The following CAVIN3 variants were observed in gnomAD, a reference collection of about 807,000 sequenced individuals.
CAVIN3 encodes caveolae-associated protein 3.
In CAVIN3, 11 loss-of-function variants were observed where a neutral mutation model predicts 8.2. The observed-to-expected ratio is 1.35, with a 90% CI of 0.85 to 2.23. The LOEUF (loss-of-function observed/expected upper bound fraction) is 2.23. Ranked by LOEUF, CAVIN3 falls within the 30% of genes most tolerant of loss-of-function variation. The pLI, the probability that CAVIN3 is intolerant of heterozygous loss-of-function variation, is 0.00. For missense variants in CAVIN3, 401 were observed against 359.5 expected (o/e 1.12, Z -0.93); for synonymous variants, 191 against 166.3 (o/e 1.15, Z -1.14).
chr11:6,319,750 G>A, intron 1 of CAVIN3, 186 bp from the exon 2 acceptor site: 1 of 762,646 alleles, frequency 1.3e-6, no homozygotes, highest in Non-Finnish European at 2.2e-6. Flanking sequence ...AAGTAGGTGA[G>A]GCCTGGTGAG....
At chr11:6,319,978 C>T (rs1401462156) in intron 1 of CAVIN3, 115 bp downstream of exon 1, 1 of 1,156,488 alleles carries the variant, frequency 8.6e-7, no homozygotes, top group Non-Finnish European at 1.2e-6. Flanking sequence ...CAGCAACAGA[C>T]GGCGGGAGGG....
rs117510709 is a variant in CAVIN3 at position 6,320,060 on chromosome 11, G to A, written c.384+33C>T. 2.6e-4 allele frequency: 404 copies of A among 1,547,948 alleles called. 6 individuals are homozygous for A. The East Asian group carries it at 7.4e-3, about 28-fold the overall frequency. On this transcript the variant is annotated intron_variant, in intron 1 of 1. Transcript: ENST00000303927. ...GCTGGTGGCCCACAGGCCGGCAAAG[G>A]CCTCGGATTGGGGACCGTTTGAGGT...
Position 6,319,232 on chromosome 11 carries a change from G to T in CAVIN3, c.717C>A (p.Asp239Glu), listed in dbSNP as rs1590694353. Residue 239 changes from aspartate to glutamate, a missense_variant, in exon 2 of 2, where the codon GAC (aspartate) becomes GAA (glutamate). Coordinates refer to ENST00000303927, the MANE Select transcript of CAVIN3 (RefSeq NM_145040.3). ...EPTLEPEPPQ[D>E]TEEDPGRPGA... ...CAGGTCTCCCGGGATCTTCCTCGGT[G>T]TCCTGCGGAGGCTCTGGCTCCAGCG... 1.3e-6 allele frequency: 2 copies of T among 1,583,314 alleles called. No individual in the cohort carries two copies. The highest frequency in any genetic ancestry group is 2.7e-5 in the African/African-American group (2 of 73,568).
chr11:6,319,075 G>C lies in CAVIN3; in HGVS notation c.*88C>G. ...GCCCGCCTTGGTGGATGTAGGATTC[G>C]CTCCTTATTAGGGCGTGAGTGCTAC... On this transcript the variant is annotated 3_prime_UTR_variant, in exon 2 of 2. Coordinates refer to ENST00000303927, the MANE Select transcript of CAVIN3 (RefSeq NM_145040.3). 1 of 1,367,916 alleles carries C rather than the reference G, an allele frequency of 7.3e-7. No individual in the cohort carries two copies. Among genetic ancestry groups the C allele is most frequent in the African/African-American group, 1.5e-5 (1 of 67,504 alleles). 84.7% of individuals were successfully genotyped at this position (1,367,916 alleles called of 1,614,324 possible).
At position 6,319,511 on chromosome 11, in the gene CAVIN3, G is replaced by C. The variant is rs927376304; in HGVS notation, c.438C>G (p.Gly146=). ...GGCCCAGCTCGGACTGGTCCGCCGG[G>C]CCCAAGGGCTCTGGTGCCTTCTGGA... ...SAFQKAPEPL[G]PADQSELGPE... is the part of the protein sequence containing the mutation. Residue 146 remains glycine, a synonymous_variant, in exon 2 of 2, where the codon GGC becomes GGG. Transcript: ENST00000303927. The C allele has an allele frequency of 1.3e-6, 2 of 1,598,366 alleles. No homozygotes were observed. Among genetic ancestry groups the C allele is most frequent in the African/African-American group, 1.3e-5 (1 of 74,728 alleles).
chr11:6,319,050 G>GC lies in CAVIN3; in HGVS notation c.*112dup. 1 of 1,133,334 alleles carries GC rather than the reference G, an allele frequency of 8.8e-7. No homozygotes were observed. The highest frequency in any genetic ancestry group is 1.6e-5 in the African/African-American group (1 of 62,704). 70.2% of individuals were successfully genotyped at this position (1,133,334 alleles called of 1,614,324 possible). On this transcript the variant is annotated 3_prime_UTR_variant, in exon 2 of 2. Transcript: ENST00000303927. ...GGCTTAAGGAAGGGAGGGCCAGAGC[G>GC]CCCGCCTTGGTGGATGTAGGATTCG... is the stretch of plus-strand genomic sequence containing the variant.
At position 6,320,435 on chromosome 11, in the gene CAVIN3, C is replaced by T. The variant is rs1846822889; in HGVS notation, c.42G>A (p.Ala14=). The T allele has an allele frequency of 1.9e-6, 3 of 1,548,432 alleles. No homozygotes were observed. The highest frequency in any genetic ancestry group is 1.4e-5 in the African/African-American group (1 of 72,312). ...CGGCGTGCACGGGACCCCCCGCCGG[C>T]GCCTCGGGCACAGGCCCCCGCTCCA... is the stretch of plus-strand genomic sequence containing the variant. ...SALERGPVPE[A]PAGGPVHAVT... The change falls in exon 1 of 2, where the codon GCG becomes GCA. Residue 14 remains alanine (A), a synonymous_variant. Transcript: ENST00000303927.
chr11:6,320,500 C>G lies in CAVIN3; in HGVS notation c.-24G>C, dbSNP rs371850098. 192 of 1,469,728 alleles carry G rather than the reference C, an allele frequency of 1.3e-4. No individual in the cohort carries two copies. The highest frequency in any genetic ancestry group is 1.6e-4 in the Non-Finnish European group (179 of 1,118,954). 91.0% of individuals were successfully genotyped at this position (1,469,728 alleles called of 1,614,324 possible). A position where few individuals can be genotyped will look rare whatever the true frequency, so the allele number is the denominator to read the frequency against. ...ATGATCCCTGACCGCTCTGCTCCGT[C>G]TGCCTGCAACTGCTGGCCGCACTAC... On this transcript the variant is annotated 5_prime_UTR_variant, in exon 1 of 2. Transcript: ENST00000303927.
chr11:6,319,220 A>G lies in CAVIN3; in HGVS notation c.729T>C (p.Asp243=). The part of the protein sequence containing the change: ...EPEPPQDTEE[D]PGRPGAAEEA... Reference sequence around the variant, plus strand: ...CTTCGGCAGCCCCAGGTCTCCCGGGATCTTCCTCGGTGTCCTGCGGAGGCT... The same window carrying G: ...CTTCGGCAGCCCCAGGTCTCCCGGGGTCTTCCTCGGTGTCCTGCGGAGGCT... Residue 243 remains aspartate, a synonymous_variant, in exon 2 of 2, where the codon GAT becomes GAC. Transcript: ENST00000303927. 1 of 1,567,282 alleles carries G rather than the reference A, an allele frequency of 6.4e-7. No homozygotes were observed. The highest frequency in any genetic ancestry group is 1.2e-5 in the South Asian group (1 of 82,794).
At chr11:6,319,949 G>C (rs562199836) in intron 1 of CAVIN3, 144 bp downstream of exon 1, 2 of 951,764 alleles carry the variant, frequency 2.1e-6, no homozygotes, top group Admixed American at 2.8e-5. Context: ...AGTGGGTGCG[G>C]CTCTGTGAGT....
chr11:6,319,628 T>C (rs946218650), intron 1 of CAVIN3, 64 bp from the exon 2 acceptor site: 2 of 1,518,774 alleles, frequency 1.3e-6, no homozygotes, highest in Non-Finnish European at 1.8e-6. Flanking sequence ...CGAAACTCAC[T>C]CCTTAATTAC....
rs1206722514 is a variant in CAVIN3, at chr11:6,320,432, C to T, written c.45G>A (p.Pro15=). Residue 15 remains proline (P), a synonymous_variant, in exon 1 of 2, where the codon CCG becomes CCA. Transcript: ENST00000303927. ...ALERGPVPEA[P]AGGPVHAVTV... ...TCACGGCGTGCACGGGACCCCCCGC[C>T]GGCGCCTCGGGCACAGGCCCCCGCT... 1 of 1,548,928 alleles carries T rather than the reference C, an allele frequency of 6.5e-7. No homozygotes were observed. The highest frequency in any genetic ancestry group is 8.7e-7 in the Non-Finnish European group (1 of 1,154,794).
chr11:6,320,045 C>A, intron 1 of CAVIN3, 48 bp downstream of exon 1: 1 of 1,527,014 alleles, frequency 6.5e-7, no homozygotes, highest in Non-Finnish European at 8.7e-7. Flanking sequence ...GCTGGTGGCC[C>A]ACAGGCCGGC....
chr11:6,319,330 C>G lies in CAVIN3; in HGVS notation c.619G>C (p.Val207Leu). The change falls in exon 2 of 2, where the codon GTC (valine) becomes CTC (leucine). Residue 207 changes from valine (V) to leucine (L), a missense_variant. Transcript: ENST00000303927. ...CCAGGCCCAAGGCGAGGCGGCTTGACCGGGGTGGGCGGTGGCGCTGCAGGG... is the reference window on the plus strand; with the variant it reads ...CCAGGCCCAAGGCGAGGCGGCTTGAGCGGGGTGGGCGGTGGCGCTGCAGGG... ...KGPAAPPPTP[V>L]KPPRLGPGRS... 3.7e-6 allele frequency: 6 copies of G among 1,601,866 alleles called. No individual in the cohort carries two copies. Among genetic ancestry groups the G allele is most frequent in the Non-Finnish European group, 5.1e-6 (6 of 1,174,998 alleles).
At position 6,320,134 on chromosome 11, in the gene CAVIN3, G is replaced by GC. The variant is rs747523564; in HGVS notation, c.342dup (p.Leu115AlafsTer18). On this transcript the variant is annotated frameshift_variant, in exon 1 of 2. Coordinates refer to ENST00000303927, the MANE Select transcript of CAVIN3 (RefSeq NM_145040.3). LOFTEE classifies it low-confidence loss of function (END_TRUNC). Reference sequence around the variant, plus strand: ...TGGAGCTTCCCGCGCGCCACCAGCAGCCCGTGGTTGGCCTCCAGCCGCTGC... The same window carrying GC: ...TGGAGCTTCCCGCGCGCCACCAGCAGCCCCGTGGTTGGCCTCCAGCCGCTGC... The GC allele has an allele frequency of 6.3e-7, 1 of 1,589,276 alleles. No individual in the cohort carries two copies. The highest frequency in any genetic ancestry group is 2.3e-5 in the East Asian group (1 of 44,176).
In CAVIN3 at chr11:6,319,018, A is replaced by G. The variant is rs73396966; in HGVS notation, c.*145T>C. ...TGACTGCACCTCTTTCAGAGGACAC[A>G]GGACTGGGCTTAAGGAAGGGAGGGC... is the stretch of plus-strand genomic sequence containing the variant. On this transcript the variant is annotated 3_prime_UTR_variant, in exon 2 of 2. Coordinates refer to ENST00000303927, the MANE Select transcript of CAVIN3 (RefSeq NM_145040.3). 6.8e-3 allele frequency: 4,943 copies of G among 725,244 alleles called. 162 individuals carry two copies. The African/African-American group carries it at 0.078, about 11-fold the overall frequency. 44.9% of individuals were successfully genotyped at this position (725,244 alleles called of 1,614,324 possible).
chr11:6,319,733 C>A (rs139017576), intron 1 of CAVIN3, 169 bp from the exon 2 acceptor site: 2 of 857,032 alleles, frequency 2.3e-6, no homozygotes, highest in East Asian at 2.6e-5. Context: ...AACTGCAAAA[C>A]GCTGTAAAGT....
At chr11:6,319,918 G>A in intron 1 of CAVIN3, 175 bp downstream of exon 1, 1 of 770,270 alleles carries the variant, frequency 1.3e-6, no homozygotes, top group East Asian at 2.7e-5. Context: ...TGAGAGGGAG[G>A]GATGGGGCTG....
chr11:6,319,099 A>G lies in CAVIN3; in HGVS notation c.*64T>C. 3 of 1,481,290 alleles carry G rather than the reference A, an allele frequency of 2.0e-6. No individual in the cohort carries two copies. Among genetic ancestry groups the G allele is most frequent in the Non-Finnish European group, 2.7e-6 (3 of 1,109,184 alleles). The allele number at this position is 1,481,290 out of a possible 1,614,324, so 91.8% of individuals were successfully genotyped here. The stretch of plus-strand genomic sequence containing the variant: ...CGCTCCTTATTAGGGCGTGAGTGCT[A>G]CATTCTGAAAGGATTTATTTTGGGA... On this transcript the variant is annotated 3_prime_UTR_variant, in exon 2 of 2. Transcript: ENST00000303927.
Sources: allele counts gnomAD v4.1 joint callset, GRCh38; gene constraint gnomAD v4.1.1; transcripts MANE v1.5; gene names NCBI Gene and HGNC (gene_info 2026-07-23, HGNC 2026-07-21).